The following ZNF407 variants were observed in gnomAD, a reference collection of about 807,000 sequenced individuals.
ZNF407 encodes zinc finger protein 407.
Under a neutral mutation model 131.2 loss-of-function variants are expected in ZNF407, and 17 were observed. That is an observed-to-expected ratio of 0.13 (90% confidence interval 0.09 to 0.19). The LOEUF is 0.19. Among genes scored for constraint, ZNF407 ranks in the 10% least tolerant of loss-of-function variants. ZNF407 has a pLI of 1.00. For missense variants in ZNF407, 2,681 were observed against 2,830.6 expected, an observed-to-expected ratio of 0.95 and a Z score of 1.20; for synonymous variants, 1,156 against 1,062.0, an observed-to-expected ratio of 1.09 and a Z score of -1.72.
chr18:74,877,018 T>C (rs1263915577), intron 4 of ZNF407, among the ~76,000 whole-genome samples, 179 bp from the exon 5 acceptor site: 1 of 152,166 alleles, frequency 6.6e-6, no homozygotes, highest in East Asian at 1.9e-4. Flanking sequence ...ATGGCTGAAG[T>C]GCCAGGCCTC....
At chr18:74,650,992 G>A (rs1599041664) in intron 3 of ZNF407, among the ~76,000 whole-genome samples, 1 of 152,042 alleles carries the variant, frequency 6.6e-6, no homozygotes, top group East Asian at 1.9e-4. Flanking sequence ...AGCTTGGTGG[G>A]ACTGTAGCTC....
intron 8 of ZNF407, among the ~76,000 whole-genome samples, chr18:75,059,093 C>T (rs555502850): frequency 2.6e-5 from 4 of 152,268 alleles, no homozygotes; most frequent in South Asian, 2.1e-4. Context: ...TGCTAGGCTT[C>T]GTCACACCCC....
At chr18:74,816,619 G>A (rs1392961617) in intron 4 of ZNF407, among the ~76,000 whole-genome samples, 1 of 152,088 alleles carries the variant, frequency 6.6e-6, no homozygotes, top group Non-Finnish European at 1.5e-5. Flanking sequence ...CGTTTTATTT[G>A]TGTGTTTTAA....
chr18:74,632,398 A>G lies in ZNF407; in HGVS notation c.1379A>G (p.Tyr460Cys), dbSNP rs776600424. 4.3e-6 allele frequency: 7 copies of G among 1,613,938 alleles called. No homozygotes were observed. The highest frequency in any genetic ancestry group is 2.2e-5 in the East Asian group (1 of 44,904). The change falls in exon 2 of 9, where the codon TAT becomes TGT. Residue 460 changes from tyrosine to cysteine, a missense_variant. This residue lies in a region of ZNF407 where 1,789 missense variants were observed against 1,748.7 expected (regional missense o/e 1.02). Coordinates refer to ENST00000299687, the MANE Select transcript of ZNF407 (RefSeq NM_017757.3). Reference sequence around the variant, plus strand: ...GGTACAAGTGAAACTCAGAGGATGTATATGAAACACTTGAGAACACAGATG... The same window carrying G: ...GGTACAAGTGAAACTCAGAGGATGTGTATGAAACACTTGAGAACACAGATG... ...KRGTSETQRM[Y>C]MKHLRTQMKT...
chr18:75,042,922 A>G (rs1441828355), intron 8 of ZNF407, among the ~76,000 whole-genome samples: 1 of 152,100 alleles, frequency 6.6e-6, no homozygotes, highest in African/African-American at 2.4e-5. Context: ...GCATGCGTGT[A>G]CCAGTATGTT....
chr18:74,672,183 A>C (rs1247218352), intron 3 of ZNF407, among the ~76,000 whole-genome samples: 1 of 152,158 alleles, frequency 6.6e-6, no homozygotes, highest in African/African-American at 2.4e-5. Context: ...GTGTATAAGT[A>C]TTCCTTTTTC....
In ZNF407 at chr18:74,920,667, C is replaced by T; in HGVS notation, c.5403C>T (p.Asn1801=). ...HLKEQHPDIE[N]PDLAYLHAGI... ...AGGAACAGCATCCTGACATCGAAAA[C>T]CCGGACCTCGCTTACCTGCATGCTG... Residue 1801 remains asparagine, a synonymous_variant, in exon 8 of 9, where the codon AAC becomes AAT. Coordinates refer to ENST00000299687, the MANE Select transcript of ZNF407 (RefSeq NM_017757.3). The T allele has an allele frequency of 6.2e-7, 1 of 1,609,182 alleles. No individual in the cohort carries two copies. The highest frequency in any genetic ancestry group is 8.5e-7 in the Non-Finnish European group (1 of 1,176,014).
chr18:74,985,160 T>G (rs536792074), intron 8 of ZNF407, among the ~76,000 whole-genome samples: 65 of 152,348 alleles, frequency 4.3e-4, no homozygotes, highest in Non-Finnish European at 8.2e-4. Flanking sequence ...TTGGTATTAT[T>G]TTTACCTCTT....
intron 4 of ZNF407, among the ~76,000 whole-genome samples, chr18:74,837,170 A>G (rs1479411977): frequency 6.6e-6 from 1 of 152,234 alleles, no homozygotes; most frequent in Non-Finnish European, 1.5e-5. Flanking sequence ...ACTGTCTGAT[A>G]AATGGTCACT....
intron 8 of ZNF407, among the ~76,000 whole-genome samples, chr18:75,047,435 C>T (rs1328397456): frequency 6.6e-6 from 1 of 152,222 alleles, no homozygotes; most frequent in East Asian, 1.9e-4. Context: ...TCTGCGGCCT[C>T]ACGTTGAAGG....
intron 4 of ZNF407, among the ~76,000 whole-genome samples, chr18:74,828,267 C>T (rs962729858): frequency 6.6e-6 from 1 of 152,156 alleles, no homozygotes; most frequent in Non-Finnish European, 1.5e-5. Flanking sequence ...TATCACATTT[C>T]CCCCGGAGAT....
intron 3 of ZNF407, among the ~76,000 whole-genome samples, chr18:74,682,860 G>A (rs76344181): frequency 0.016 from 2,430 of 152,288 alleles, 68 homozygotes; most frequent in African/African-American, 0.056. Context: ...CCATCAGGGC[G>A]ATTGCGCTTT....
At chr18:74,725,981 T>A (rs1323071241) in intron 3 of ZNF407, among the ~76,000 whole-genome samples, 1 of 152,164 alleles carries the variant, frequency 6.6e-6, no homozygotes, top group East Asian at 1.9e-4. Context: ...CCTTGAGAGT[T>A]AGGGAGAATG....
chr18:75,025,452 G>T (rs1206422763), intron 8 of ZNF407, among the ~76,000 whole-genome samples: 1 of 152,164 alleles, frequency 6.6e-6, no homozygotes, highest in Non-Finnish European at 1.5e-5. Flanking sequence ...CAGAAAATTT[G>T]AATATCAGCA....
At chr18:74,997,468 G>GA (rs1273729406) in intron 8 of ZNF407, among the ~76,000 whole-genome samples, 3 of 151,918 alleles carry the variant, frequency 2.0e-5, no homozygotes, top group Non-Finnish European at 4.4e-5. Context: ...ACAGCCTCTT[G>GA]AAAAAATAGA....
At chr18:74,667,839 C>T (rs996881525) in intron 3 of ZNF407, among the ~76,000 whole-genome samples, 2 of 152,136 alleles carry the variant, frequency 1.3e-5, no homozygotes, top group African/African-American at 4.8e-5. Flanking sequence ...GGGCCATTTT[C>T]AGTTTTAGGG....
At chr18:75,031,411 A>G (rs1055315305) in intron 8 of ZNF407, among the ~76,000 whole-genome samples, 1 of 152,142 alleles carries the variant, frequency 6.6e-6, no homozygotes, top group Non-Finnish European at 1.5e-5. Flanking sequence ...GAAAGAGAAA[A>G]TGGGTCTTTT....
intron 8 of ZNF407, among the ~76,000 whole-genome samples, chr18:75,060,507 C>CTTTTTTTCTT (rs1973615370): frequency 8.0e-6 from 1 of 124,464 alleles, no homozygotes; most frequent in Non-Finnish European, 1.6e-5. Context: ...TTCTTTTTTT[C>CTTTTTTTCTT]TTTTTTTTTT....
Position 74,889,898 on chromosome 18 carries a change from C to A in ZNF407, c.5129-20C>A. 6.3e-7 allele frequency: 1 copy of A among 1,592,202 alleles called. No homozygotes were observed. The highest frequency in any genetic ancestry group is 1.3e-5 in the African/African-American group (1 of 74,534). Reference sequence around the variant, plus strand: ...AGTTGTTATTATTATTCATCTGTAACATTTCTTGATATATTACAGGAGAAA... The same window carrying A: ...AGTTGTTATTATTATTCATCTGTAAAATTTCTTGATATATTACAGGAGAAA... On this transcript the variant is annotated intron_variant, in intron 6 of 8. Coordinates refer to ENST00000299687, the MANE Select transcript of ZNF407 (RefSeq NM_017757.3).
Sources: gnomAD v4.1 joint callset for allele counts (sites outside exome capture counted in the v4.1 genomes callset) on GRCh38, gnomAD v4.1.1 for gene constraint, gnomAD v4.1.1 regional missense constraint, MANE v1.5 for transcripts, NCBI Gene and HGNC (gene_info 2026-07-23, HGNC 2026-07-21) for gene names.